SLC25A36: variants seen among roughly 807,000 people sequenced by gnomAD.
SLC25A36 encodes epididymis secretory sperm binding protein.
SLC25A36 carries 24 observed loss-of-function variants against 35.3 expected under a neutral mutation model. The ratio of observed to expected loss-of-function variants is 0.68; its 90% CI spans 0.49 to 0.96. SLC25A36 has a LOEUF of 0.96. SLC25A36 is among the 40% of genes least tolerant of loss of function. The pLI, the probability that SLC25A36 is intolerant of heterozygous loss-of-function variation, is 0.00. For synonymous variants in SLC25A36, 141 were observed against 132.2 expected (o/e 1.07, Z -0.46); for missense variants, 294 against 381.1 (o/e 0.77, Z 1.90).
intron 1 of SLC25A36, among the ~76,000 whole-genome samples, chr3:140,953,399 G>T (rs913300599): frequency 1.3e-5 from 2 of 149,902 alleles, no homozygotes; most frequent in East Asian, 2.0e-4. Flanking sequence ...CATTTTTTGG[G>T]GGGGGGGTTA....
intron 1 of SLC25A36, 46 bp from the exon 2 acceptor site, chr3:140,956,481 A>G: frequency 6.7e-7 from 1 of 1,491,742 alleles, no homozygotes; most frequent in Non-Finnish European, 8.9e-7. Context: ...ATACTAACTT[A>G]TGAATTAAGT....
chr3:140,968,492 A>T, intron 4 of SLC25A36: 1 of 982,922 alleles, frequency 1.0e-6, no homozygotes, highest in Non-Finnish European at 1.2e-6. Context: ...TACATAGGTT[A>T]ATTTGTGCTT....
chr3:140,942,921 G>A (rs1934056431), intron 1 of SLC25A36, among the ~76,000 whole-genome samples: 1 of 152,176 alleles, frequency 6.6e-6, no homozygotes, highest in Non-Finnish European at 1.5e-5. Flanking sequence ...AACACCGCTT[G>A]CTTTTCTGCT....
chr3:140,963,770 C>T (rs899773029), intron 4 of SLC25A36: 1 of 152,624 alleles, frequency 6.6e-6, no homozygotes, highest in Non-Finnish European at 1.5e-5. Context: ...TAGACAGCAC[C>T]TGAAATTTAG....
rs1360578631 is a variant in SLC25A36, at chr3:140,980,353, CTT to C, written c.*3902_*3903del. On this transcript the variant is annotated 3_prime_UTR_variant, in exon 7 of 7. Coordinates refer to ENST00000324194, the MANE Select transcript of SLC25A36 (RefSeq NM_001104647.3). The stretch of plus-strand genomic sequence containing the variant: ...TAAAATGCTATGTAGTGCCTACCCT[CTT>C]TACATTTTGTCTATTTTATTTAAGT... Among the ~76,000 whole-genome samples the C allele has an allele frequency of 1.3e-5, 2 of 152,188 alleles. No homozygotes were observed. Among genetic ancestry groups the C allele is most frequent in the African/African-American group, 4.8e-5 (2 of 41,450 alleles).
In SLC25A36 at chr3:140,978,455, AAGAT is replaced by A. The variant is rs1447237651; in HGVS notation, c.*2006_*2009del. 6.6e-6 allele frequency: 1 copy of A among 152,194 alleles called. No homozygotes were observed. The highest frequency in any genetic ancestry group is 1.5e-5 in the Non-Finnish European group (1 of 68,030). The allele number at this position is 152,194 out of a possible 1,614,324, so 9.4% of individuals were successfully genotyped here. On this transcript the variant is annotated 3_prime_UTR_variant, in exon 7 of 7. Transcript: ENST00000324194. ...CATAAACATTCATTGTGTTGAATGT[AAGAT>A]AGAGACTCTCCCTAGTCTTACTGAT...
chr3:140,948,681 C>G (rs1934234112), intron 1 of SLC25A36, among the ~76,000 whole-genome samples: 1 of 152,210 alleles, frequency 6.6e-6, no homozygotes, highest in South Asian at 2.1e-4. Flanking sequence ...TTTTGTTCAT[C>G]TATCTGTTAC....
chr3:140,951,060 G>A (rs1934310943), intron 1 of SLC25A36, among the ~76,000 whole-genome samples: 1 of 152,026 alleles, frequency 6.6e-6, no homozygotes, highest in South Asian at 2.1e-4. Context: ...TAATCATTAG[G>A]CCTCCTAGGG....
chr3:140,976,011 T>A (rs1935034117), intron 6 of SLC25A36, among the ~76,000 whole-genome samples: 2 of 152,218 alleles, frequency 1.3e-5, no homozygotes, highest in Admixed American at 1.3e-4. Context: ...CAACTGATAC[T>A]TCTCTCTTGT....
chr3:140,978,392 C>T lies in SLC25A36; in HGVS notation c.*1939C>T, dbSNP rs1386209003. The T allele has an allele frequency of 6.6e-6, 1 of 152,160 alleles. No individual in the cohort carries two copies. The highest frequency in any genetic ancestry group is 1.5e-5 in the Non-Finnish European group (1 of 68,028). The allele number at this position is 152,160 out of a possible 1,614,324, so 9.4% of individuals were successfully genotyped here. On this transcript the variant is annotated 3_prime_UTR_variant, in exon 7 of 7. Transcript: ENST00000324194. Reference sequence around the variant, plus strand: ...GTGTTTGCCTTTTCAGGTGCCATTTCTACTGCCTAATACAGTGCCATTTGC... The same window carrying T: ...GTGTTTGCCTTTTCAGGTGCCATTTTTACTGCCTAATACAGTGCCATTTGC...
chr3:140,966,013 G>A (rs983350809), intron 4 of SLC25A36: 2 of 151,832 alleles, frequency 1.3e-5, no homozygotes, highest in African/African-American at 2.4e-5. Flanking sequence ...AAATGTAAAG[G>A]AAATGAATTC....
At chr3:140,973,621 A>T in intron 5 of SLC25A36, 95 bp from the exon 6 acceptor site, 1 of 912,796 alleles carries the variant, frequency 1.1e-6, no homozygotes, top group Non-Finnish European at 1.5e-6. Context: ...CATGAGTTAA[A>T]GAAGGCCATT....
At chr3:140,956,807 A>G in intron 2 of SLC25A36, 116 bp downstream of exon 2, 1 of 1,415,950 alleles carries the variant, frequency 7.1e-7, no homozygotes, top group Non-Finnish European at 9.2e-7. Context: ...CTATTTACAG[A>G]AGTTACTCTG....
rs759199397 is a variant in SLC25A36 at position 140,976,897 on chromosome 3, T to G, written c.*444T>G. The G allele has an allele frequency of 6.6e-6, 1 of 152,460 alleles. No individual in the cohort carries two copies. Among genetic ancestry groups the G allele is most frequent in the African/African-American group, 2.4e-5 (1 of 41,466 alleles). 9.4% of individuals were successfully genotyped at this position (152,460 alleles called of 1,614,324 possible). ...GCAATGACAATGAGATCGTCAGTATTATTTTCACATTTCCCTGAGAGGACC... is the reference window on the plus strand; with the variant it reads ...GCAATGACAATGAGATCGTCAGTATGATTTTCACATTTCCCTGAGAGGACC... On this transcript the variant is annotated 3_prime_UTR_variant, in exon 7 of 7. Transcript: ENST00000324194.
chr3:140,967,036 C>T (rs962168762), intron 4 of SLC25A36: 3 of 456,154 alleles, frequency 6.6e-6, no homozygotes, highest in Admixed American at 2.4e-5. Flanking sequence ...ACTTAAACCT[C>T]GTGAGTACTG....
At chr3:140,974,918 A>G (rs753567372) in intron 6 of SLC25A36, among the ~76,000 whole-genome samples, 1 of 152,016 alleles carries the variant, frequency 6.6e-6, no homozygotes, top group Non-Finnish European at 1.5e-5. Flanking sequence ...TGACTTTTCT[A>G]AAAGAAGTCA....
In SLC25A36 at chr3:140,977,587, T is replaced by C. The variant is rs1935081053; in HGVS notation, c.*1134T>C. The C allele has an allele frequency of 6.6e-6, 1 of 152,208 alleles. No individual in the cohort carries two copies. Among genetic ancestry groups the C allele is most frequent in the South Asian group, 2.1e-4 (1 of 4,834 alleles). 9.4% of individuals were successfully genotyped at this position (152,208 alleles called of 1,614,324 possible). Reference sequence around the variant, plus strand: ...TATTCTGTCCTAGTTTCCTGCGTGGTAAATCATAGAAAGATTCAAGTTCAT... The same window carrying C: ...TATTCTGTCCTAGTTTCCTGCGTGGCAAATCATAGAAAGATTCAAGTTCAT... On this transcript the variant is annotated 3_prime_UTR_variant, in exon 7 of 7. Transcript: ENST00000324194.
intron 1 of SLC25A36, among the ~76,000 whole-genome samples, chr3:140,952,199 G>A (rs192628188): frequency 1.3e-5 from 2 of 152,122 alleles, no homozygotes; most frequent in East Asian, 3.9e-4. Flanking sequence ...TGTATTATCA[G>A]TAGAGACGGG....
Position 140,965,113 on chromosome 3 carries a change from T to A in SLC25A36, c.385+1886T>A, listed in dbSNP as rs1459567423. ...TTTGCAGTTACATTGTTCTGAGAAC[T>A]GTGCTCTCAGAGCTTCTGTGCACTA... is the stretch of plus-strand genomic sequence containing the variant. On this transcript the variant is annotated intron_variant, in intron 4 of 6. Transcript: ENST00000324194. 2.6e-5 allele frequency: 4 copies of A among 151,860 alleles called. No homozygotes were observed. In the East Asian group the frequency reaches 5.8e-4, roughly 22 times the overall value. The allele number at this position is 151,860 out of a possible 1,614,324, so 9.4% of individuals were successfully genotyped here. A position where few individuals can be genotyped will look rare whatever the true frequency, so the allele number is the denominator to read the frequency against.
Sources: allele counts gnomAD v4.1 joint callset (sites outside exome capture counted in the v4.1 genomes callset), GRCh38; gene constraint gnomAD v4.1.1; transcripts MANE v1.5; gene names NCBI Gene and HGNC (gene_info 2026-07-23, HGNC 2026-07-21).